CENATAC: variants seen among roughly 807,000 people sequenced by gnomAD.
CENATAC encodes the protein centrosomal AT-AC splicing factor, also known as coiled-coil domain containing 84.
CENATAC carries 53 observed loss-of-function variants against 53.7 expected under a neutral mutation model. That is an observed-to-expected ratio of 0.99 (90% confidence interval 0.79 to 1.24). CENATAC has a LOEUF of 1.24. Ranked by LOEUF, CENATAC falls within the 50% of genes most tolerant of loss-of-function variation. The pLI, the probability that CENATAC is intolerant of heterozygous loss-of-function variation, is 0.00. For synonymous variants in CENATAC, 156 were observed against 144.6 expected (o/e 1.08, Z -0.57); for missense variants, 474 against 417.8 (o/e 1.13, Z -1.17).
chr11:118,999,097 A>G lies in CENATAC; in HGVS notation c.371A>G (p.Gln124Arg). Residue 124 changes from glutamine (Q) to arginine (R), a missense_variant, in exon 3 of 11, where the codon CAG becomes CGG. Transcript: ENST00000334418. ...QMKEKFLVTPQDYARFKKSMV... is the reference protein window; with the variant it reads ...QMKEKFLVTPRDYARFKKSMV... ...AAAGAGAAGTTTCTGGTCACTCCCC[A>G]GGATTATGCGCGGTGAGTCACTGGT... 6.2e-7 allele frequency: 1 copy of G among 1,612,816 alleles called. No homozygotes were observed. Among genetic ancestry groups the G allele is most frequent in the Non-Finnish European group, 8.5e-7 (1 of 1,178,794 alleles).
intron 3 of CENATAC, among the ~76,000 whole-genome samples, chr11:119,001,317 C>T (rs184130204): frequency 1.3e-5 from 2 of 152,252 alleles, no homozygotes; most frequent in Admixed American, 1.3e-4. Flanking sequence ...TGCATCTTTA[C>T]ATTTATTTTC....
At position 119,015,459 on chromosome 11, in the gene CENATAC, G is replaced by A. The variant is rs782010000; in HGVS notation, c.938+20G>A. 2 of 1,613,696 alleles carry A rather than the reference G, an allele frequency of 1.2e-6. No individual in the cohort carries two copies. Among genetic ancestry groups the A allele is most frequent in the Non-Finnish European group, 1.7e-6 (2 of 1,179,722 alleles). ...GTCCAGGTATGTGTGTTCAGTGCCG[G>A]GTCTCCAACCTACCCATCCAACCTC... On this transcript the variant is annotated intron_variant, in intron 10 of 10. Transcript: ENST00000334418.
chr11:118,998,230 C>A lies in CENATAC; in HGVS notation c.33C>A (p.Arg11=), dbSNP rs782288915. The A allele has an allele frequency of 6.3e-7, 1 of 1,585,490 alleles. No homozygotes were observed. The highest frequency in any genetic ancestry group is 1.8e-5 in the Admixed American group (1 of 55,144). The change falls in exon 1 of 11, where the codon CGC becomes CGA. Residue 11 remains arginine (R), a synonymous_variant. Transcript: ENST00000334418. The stretch of plus-strand genomic sequence containing the variant: ...CGGCGCAGCGCTGCCCTCTGTGCCG[C>A]CAGACCTTCTTCTGTGGTCGCGGGC... MAPAQRCPLC[R]QTFFCGRGHV... is the part of the protein sequence containing the mutation.
chr11:119,014,573 A>T (rs1271769688), intron 8 of CENATAC: 1 of 153,286 alleles, frequency 6.5e-6, no homozygotes, highest in African/African-American at 2.4e-5. Flanking sequence ...GACTCCTCTC[A>T]AAAAAACAAA....
chr11:119,000,634 T>C lies in CENATAC; in HGVS notation c.383+1525T>C, dbSNP rs575464442. Among the ~76,000 whole-genome samples, 264 of 152,106 alleles carry C rather than the reference T, an allele frequency of 1.7e-3. 1 individual carries two copies. Among genetic ancestry groups the C allele is most frequent in the African/African-American group, 6.0e-3 (249 of 41,486 alleles). ...AGCTGGGTGTGGTGGTGGGTGCCTA[T>C]AATCCCAGATACTCAGGAGGTTGAG... On this transcript the variant is annotated intron_variant, in intron 3 of 10. Coordinates refer to ENST00000334418, the MANE Select transcript of CENATAC (RefSeq NM_198489.3).
At chr11:119,013,349 G>T in intron 8 of CENATAC, 87 bp downstream of exon 8, 2 of 988,340 alleles carry the variant, frequency 2.0e-6, no homozygotes, top group South Asian at 2.9e-5. Context: ...AGGCTGGAGT[G>T]CAGTGGCGCA....
intron 7 of CENATAC, 130 bp from the exon 8 acceptor site, chr11:119,013,102 C>G: frequency 1.5e-6 from 1 of 654,384 alleles, no homozygotes; most frequent in Non-Finnish European, 2.7e-6. Context: ...AGCTGGGGTG[C>G]AGAATTAGCA....
In CENATAC at chr11:119,015,057, C is replaced by T; in HGVS notation, c.779C>T (p.Pro260Leu). 1 of 1,610,878 alleles carries T rather than the reference C, an allele frequency of 6.2e-7. No individual in the cohort carries two copies. The change falls in exon 9 of 11, where the codon CCA (proline) becomes CTA (leucine). Residue 260 changes from proline (P) to leucine (L), a missense_variant. Transcript: ENST00000334418. ...EYIAGNQEIG[P>L]SYEEFLKEKE... ...ATTGCTGGGAACCAAGAAATAGGAC[C>T]ATCCTATGAAGAATTTCTTAAAGAA...
chr11:119,002,224 C>CAAAA (rs782664366), intron 3 of CENATAC, among the ~76,000 whole-genome samples: 30 of 49,496 alleles, frequency 6.1e-4, no homozygotes, highest in South Asian at 1.5e-3. Flanking sequence ...AACTCTGTCT[C>CAAAA]AAAAAAAAAA....
intron 7 of CENATAC, chr11:119,013,016 C>T (rs1942947388): frequency 4.1e-6 from 2 of 481,944 alleles, no homozygotes; most frequent in Non-Finnish European, 3.7e-6. Context: ...ACAGACATCT[C>T]CACTGTTATG....
chr11:119,001,032 G>A (rs1942270891), intron 3 of CENATAC, among the ~76,000 whole-genome samples: 1 of 152,052 alleles, frequency 6.6e-6, no homozygotes, highest in Admixed American at 6.6e-5. Context: ...ACTTTTCTCT[G>A]CTTCTTTGGA....
chr11:119,011,155 G>C, intron 4 of CENATAC, 66 bp from the exon 5 acceptor site: 1 of 1,437,470 alleles, frequency 7.0e-7, no homozygotes, highest in Non-Finnish European at 9.8e-7. Flanking sequence ...CCAAGTTAAA[G>C]GAAAGGCCTC....
Position 119,011,925 on chromosome 11 carries a change from T to G in CENATAC, c.514-14T>G. ...GCATCCCAGACACATTTATTTTTCC[T>G]GAATCAAACTCAGCCTCAGGCAGTG... On this transcript the variant is annotated splice_polypyrimidine_tract_variant and intron_variant, in intron 5 of 10. Coordinates refer to ENST00000334418, the MANE Select transcript of CENATAC (RefSeq NM_198489.3). 6.2e-7 allele frequency: 1 copy of G among 1,613,570 alleles called. No homozygotes were observed. The highest frequency in any genetic ancestry group is 8.5e-7 in the Non-Finnish European group (1 of 1,179,644).
Position 118,998,500 on chromosome 11 carries a change from G to C in CENATAC, c.191G>C (p.Cys64Ser). The change falls in exon 2 of 11, where the codon TGC becomes TCC. Residue 64 changes from cysteine to serine, a missense_variant. Coordinates refer to ENST00000334418, the MANE Select transcript of CENATAC (RefSeq NM_198489.3). Reference protein sequence around the residue: ...ERYVPEHERCCWCLCCGCEVR... With the variant: ...ERYVPEHERCSWCLCCGCEVR... ...TATGTGCCCGAACACGAGCGATGCT[G>C]CTGGTGCCTGTGCTGCGGCTGTGAG... 1.2e-6 allele frequency: 2 copies of C among 1,612,878 alleles called. No homozygotes were observed. The highest frequency in any genetic ancestry group is 1.7e-6 in the Non-Finnish European group (2 of 1,179,564).
Position 119,014,958 on chromosome 11 carries a change from TAAAA to T in CENATAC, c.716-23_716-20del, listed in dbSNP as rs10680026. 406 of 1,169,960 alleles carry T rather than the reference TAAAA, an allele frequency of 3.5e-4. 4 individuals carry two copies. The highest frequency in any genetic ancestry group is 9.0e-5 in the African/African-American group (5 of 55,838). 72.5% of individuals were successfully genotyped at this position (1,169,960 alleles called of 1,614,324 possible). A position where few individuals can be genotyped will look rare whatever the true frequency, so the allele number is the denominator to read the frequency against. On this transcript the variant is annotated intron_variant, in intron 8 of 10. Transcript: ENST00000334418. ...CATGTTTCACAATAGCCTGAAGACT[TAAAA>T]AAAAAAAAAAAAGCCTTAATTTTTT... is the stretch of plus-strand genomic sequence containing the variant.
chr11:119,004,390 G>A (rs1942471187), intron 3 of CENATAC: 1 of 152,036 alleles, frequency 6.6e-6, no homozygotes. Context: ...TGGGACTATA[G>A]GCATGCGCCA....
Position 119,011,987 on chromosome 11 carries a change from T to C in CENATAC, c.562T>C (p.Trp188Arg). The C allele has an allele frequency of 6.2e-7, 1 of 1,614,016 alleles. No homozygotes were observed. The highest frequency in any genetic ancestry group is 1.7e-5 in the Admixed American group (1 of 60,008). The change falls in exon 6 of 11, where the codon TGG becomes CGG. Residue 188 changes from tryptophan (W) to arginine (R), a missense_variant. Transcript: ENST00000334418. ...PEEGSSAPRS[W>R]KGMNSQVASS... The stretch of plus-strand genomic sequence containing the variant: ...AGAGGGCTCTTCAGCACCTAGAAGC[T>C]GGAAAGGGATGAACAGGTAAGACTA...
At chr11:119,013,283 T>A (rs1360735838) in intron 8 of CENATAC, 21 bp downstream of exon 8, 18 of 1,590,080 alleles carry the variant, frequency 1.1e-5, no homozygotes, top group Non-Finnish European at 1.5e-5. Context: ...GGGCAGTGTT[T>A]TTAAAACCCT....
chr11:119,006,669 T>G (rs2134547049), intron 3 of CENATAC, among the ~76,000 whole-genome samples: 1 of 152,314 alleles, frequency 6.6e-6, no homozygotes, highest in South Asian at 2.1e-4. Flanking sequence ...GCGCCTGGCT[T>G]AGTCCACCTA....
Sources: gnomAD v4.1 joint callset for allele counts (sites outside exome capture counted in the v4.1 genomes callset) on GRCh38, gnomAD v4.1.1 for gene constraint, MANE v1.5 for transcripts, NCBI Gene and HGNC (gene_info 2026-07-23, HGNC 2026-07-21) for gene names.